ZBP1: variants seen among roughly 807,000 people sequenced by gnomAD.
The protein encoded by ZBP1 is Z-DNA binding protein 1, also known as Z-DNA-binding protein 1.
Under a neutral mutation model 41.1 loss-of-function variants are expected in ZBP1, and 42 were observed. That is an observed-to-expected ratio of 1.02 (90% CI 0.80 to 1.32). ZBP1 has a LOEUF of 1.32. Ranked by LOEUF, ZBP1 falls within the 40% of genes most tolerant of loss-of-function variation. The pLI, the probability that ZBP1 is intolerant of heterozygous loss-of-function variation, is 0.00. For synonymous variants in ZBP1, 214 were observed against 205.2 expected, an observed-to-expected ratio of 1.04 and a Z score of -0.37; for missense variants, 562 against 549.7, an observed-to-expected ratio of 1.02 and a Z score of -0.22.
chr20:57,608,670 C>T (rs1467324871), intron 7 of ZBP1, among the ~76,000 whole-genome samples: 1 of 152,222 alleles, frequency 6.6e-6, no homozygotes, highest in Non-Finnish European at 1.5e-5. Flanking sequence ...GGAATGCGCT[C>T]CTGGTCCCCG....
chr20:57,610,570 T>C lies in ZBP1; in HGVS notation c.875-203A>G. 1.6e-6 allele frequency: 1 copy of C among 608,848 alleles called. No homozygotes were observed. The highest frequency in any genetic ancestry group is 2.9e-6 in the Non-Finnish European group (1 of 343,660). The allele number at this position is 608,848 out of a possible 1,614,324, so 37.7% of individuals were successfully genotyped here. On this transcript the variant is annotated intron_variant, in intron 6 of 7. Transcript: ENST00000371173. This position sits in a 1 kb window ranked among gnomAD's most constrained non-coding sequence, Gnocchi z 5.5. ...TGTTGTGCTGTCTGGGAAGCGTCTTTCTGCTCCACTGATCCCGCAGTGGGT... is the reference window on the plus strand; with the variant it reads ...TGTTGTGCTGTCTGGGAAGCGTCTTCCTGCTCCACTGATCCCGCAGTGGGT...
rs765775863 is a variant in ZBP1, at chr20:57,610,147, A to G, written c.1093+2T>C. The G allele has an allele frequency of 1.1e-5, 18 of 1,613,104 alleles. No individual in the cohort carries two copies. The East Asian group carries it at 4.0e-4, about 36-fold the overall frequency. ...AGGGGTCCACTCTGCCCCCTAGCTC[A>G]CCTGCGTCCTCCCCTGGCTCCCCCT... On this transcript the variant is annotated splice_donor_variant, in intron 7 of 7. Transcript: ENST00000371173. LOFTEE classifies it high-confidence loss of function. The surrounding 1 kb of genome is among the most constrained non-coding windows in gnomAD (Gnocchi z 5.5).
intron 7 of ZBP1, among the ~76,000 whole-genome samples, chr20:57,606,804 G>A (rs79388310): frequency 0.019 from 2,903 of 152,268 alleles, 50 homozygotes; most frequent in South Asian, 0.03. Flanking sequence ...GCCTAGCATT[G>A]AGACTTACTG....
At position 57,615,906 on chromosome 20, in the gene ZBP1, G is replaced by A. The variant is rs78106363; in HGVS notation, c.260-326C>T. ...CTGTGGGCTGTAAAGCTAGAAAAGG[G>A]GGGCTGGTGGGACTGCATATGTTCT... On this transcript the variant is annotated intron_variant, in intron 2 of 7. Coordinates refer to ENST00000371173, the MANE Select transcript of ZBP1 (RefSeq NM_030776.3). The A allele has an allele frequency of 8.7e-5, 46 of 527,466 alleles. No homozygotes were observed. The East Asian group carries it at 1.5e-3, about 17-fold the overall frequency. The allele number at this position is 527,466 out of a possible 1,614,324, so 32.7% of individuals were successfully genotyped here. A position where few individuals can be genotyped will look rare whatever the true frequency, so the allele number is the denominator to read the frequency against.
In ZBP1 at chr20:57,613,187, T is replaced by C. The variant is rs1021913521; in HGVS notation, c.646A>G (p.Arg216Gly). 1.2e-6 allele frequency: 2 copies of C among 1,614,224 alleles called. No individual in the cohort carries two copies. The highest frequency in any genetic ancestry group is 1.7e-6 in the Non-Finnish European group (2 of 1,180,034). ...CCGTCCTCCCTGGAGACTGTCTGTCTTGTAATGATGTTCCCGTGTCCAATC... is the reference window on the plus strand; with the variant it reads ...CCGTCCTCCCTGGAGACTGTCTGTCCTGTAATGATGTTCCCGTGTCCAATC... ...IQIGHGNIITRQTVSREDGSA... is the reference protein window; with the variant it reads ...IQIGHGNIITGQTVSREDGSA... The change falls in exon 5 of 8, where the codon AGA becomes GGA. Residue 216 changes from arginine (R) to glycine (G), a missense_variant. Coordinates refer to ENST00000371173, the MANE Select transcript of ZBP1 (RefSeq NM_030776.3). The surrounding 1 kb of genome is among the most constrained non-coding windows in gnomAD (Gnocchi z 4.5).
Position 57,615,051 on chromosome 20 carries a change from A to T in ZBP1, c.338T>A (p.Ile113Asn), listed in dbSNP as rs2146587369. The T allele has an allele frequency of 6.2e-7, 1 of 1,614,116 alleles. No individual in the cohort carries two copies. Among genetic ancestry groups the T allele is most frequent in the Non-Finnish European group, 8.5e-7 (1 of 1,180,026 alleles). Reference protein sequence around the residue: ...PQFSQQREEDIYRFLKDNGPQ... With the variant: ...PQFSQQREEDNYRFLKDNGPQ... ...ACCATTGTCTTTGAGAAACCTGTAG[A>T]TGTCTTCCTCTGGGAGGCAGGATGG... The change falls in exon 4 of 8, where the codon ATC (isoleucine) becomes AAC (asparagine). Residue 113 changes from isoleucine (I) to asparagine (N), a missense_variant. Transcript: ENST00000371173.
intron 7 of ZBP1, 144 bp from the exon 8 acceptor site, chr20:57,604,913 G>A: frequency 1.3e-6 from 1 of 794,948 alleles, no homozygotes; most frequent in Non-Finnish European, 2.0e-6. Context: ...TGAACAGGGA[G>A]CCCCACCTTT....
chr20:57,606,079 T>A (rs1276636178), intron 7 of ZBP1, among the ~76,000 whole-genome samples: 1 of 152,108 alleles, frequency 6.6e-6, no homozygotes, highest in African/African-American at 2.4e-5. Context: ...CTAAGACAAG[T>A]TGAAAGCTAG....
At chr20:57,620,043 G>A (rs1164015279) in intron 1 of ZBP1, among the ~76,000 whole-genome samples, 1 of 152,122 alleles carries the variant, frequency 6.6e-6, no homozygotes, top group African/African-American at 2.4e-5. Context: ...CGCCATGTTG[G>A]CCAGGCTAGT....
At chr20:57,615,114 C>A in intron 3 of ZBP1, 54 bp from the exon 4 acceptor site, 1 of 1,589,056 alleles carries the variant, frequency 6.3e-7, no homozygotes, top group Non-Finnish European at 8.6e-7. Context: ...TTTGCATCTG[C>A]CCCACCGCTT....
rs948926394 is a variant in ZBP1 at position 57,620,371 on chromosome 20, G to T, written c.-76C>A. On this transcript the variant is annotated 5_prime_UTR_variant, in exon 1 of 8. Coordinates refer to ENST00000371173, the MANE Select transcript of ZBP1 (RefSeq NM_030776.3). Reference sequence around the variant, plus strand: ...CTGCACTGTGGCCCTGAGAGGGTGGGCTAGGTCGAGGCTGGGGCTTCTGAA... The same window carrying T: ...CTGCACTGTGGCCCTGAGAGGGTGGTCTAGGTCGAGGCTGGGGCTTCTGAA... The T allele has an allele frequency of 4.6e-6, 7 of 1,516,630 alleles. No homozygotes were observed. In the African/African-American group the frequency reaches 9.7e-5, roughly 21 times the overall value. 93.9% of individuals were successfully genotyped at this position (1,516,630 alleles called of 1,614,324 possible). A position where few individuals can be genotyped will look rare whatever the true frequency, so the allele number is the denominator to read the frequency against.
chr20:57,612,526 G>C (rs1208497536), intron 5 of ZBP1, among the ~76,000 whole-genome samples: 1 of 151,788 alleles, frequency 6.6e-6, no homozygotes. Context: ...AGTGGGGAAA[G>C]GTTCTCCCAA....
At chr20:57,607,953 A>G (rs183325602) in intron 7 of ZBP1, among the ~76,000 whole-genome samples, 1 of 152,274 alleles carries the variant, frequency 6.6e-6, no homozygotes, top group East Asian at 1.9e-4. Context: ...GACTTGCTTT[A>G]TTGGGGTGTT....
chr20:57,609,342 G>A (rs760822509), intron 7 of ZBP1, among the ~76,000 whole-genome samples: 2 of 152,152 alleles, frequency 1.3e-5, no homozygotes, highest in South Asian at 2.1e-4. Flanking sequence ...ACGGTGAACC[G>A]CACTGGTTTC....
At chr20:57,615,758 C>A in intron 2 of ZBP1, 178 bp from the exon 3 acceptor site, 2 of 570,650 alleles carry the variant, frequency 3.5e-6, no homozygotes, top group South Asian at 2.4e-5. Context: ...GCTGCGGCTT[C>A]CTGCCGATTA....
chr20:57,608,386 TG>T, intron 7 of ZBP1, among the ~76,000 whole-genome samples: 1 of 152,350 alleles, frequency 6.6e-6, no homozygotes, highest in East Asian at 1.9e-4. Flanking sequence ...CCTCCCAAAG[TG>T]CTGGGATTAC....
At chr20:57,620,102 C>G in intron 1 of ZBP1, 160 bp downstream of exon 1, 1 of 828,472 alleles carries the variant, frequency 1.2e-6, no homozygotes, top group Non-Finnish European at 2.0e-6. Flanking sequence ...TCCCAAAGTG[C>G]TGGGATTACA....
rs369784201 is a variant in ZBP1, at chr20:57,610,863, C to A, written c.875-496G>T. Among the ~76,000 whole-genome samples the A allele has an allele frequency of 4.6e-5, 7 of 152,110 alleles. No individual in the cohort carries two copies. The East Asian group carries it at 9.7e-4, about 21-fold the overall frequency. ...TGCTCCCTGGCCCCCAGAAACCACC[C>A]CCTCAAGGTTACCACGATCCCTCTC... On this transcript the variant is annotated intron_variant, in intron 6 of 7. Coordinates refer to ENST00000371173, the MANE Select transcript of ZBP1 (RefSeq NM_030776.3). The surrounding 1 kb of genome is among the most constrained non-coding windows in gnomAD (Gnocchi z 5.5).
Position 57,616,323 on chromosome 20 carries a change from G to A in ZBP1, c.180C>T (p.Leu60=). The part of the protein sequence containing the change: ...YRMKKELKVS[L]TSPATWCLGG... The stretch of plus-strand genomic sequence containing the variant: ...CCAAGCACCAGGTGGCAGGGGATGT[G>A]AGGGAGACTTTCAACTCCTTTTTCA... Residue 60 remains leucine (L), a synonymous_variant, in exon 2 of 8, where the codon CTC becomes CTT. Transcript: ENST00000371173. The A allele has an allele frequency of 6.2e-7, 1 of 1,614,216 alleles. No individual in the cohort carries two copies. Among genetic ancestry groups the A allele is most frequent in the Non-Finnish European group, 8.5e-7 (1 of 1,180,048 alleles).
Sources: allele counts gnomAD v4.1 joint callset (sites outside exome capture counted in the v4.1 genomes callset), GRCh38; gene constraint gnomAD v4.1.1; non-coding constraint Gnocchi (gnomAD v3.1); transcripts MANE v1.5; gene names NCBI Gene and HGNC (gene_info 2026-07-23, HGNC 2026-07-21).